MCM10: variants seen among roughly 807,000 people sequenced by gnomAD.
MCM10 encodes minichromosome maintenance 10 replication initiation factor.
MCM10 carries 91 observed loss-of-function variants against 109.9 expected under a neutral mutation model. The ratio of observed to expected loss-of-function variants is 0.83; its 90% CI spans 0.70 to 0.99. The LOEUF is 0.99. MCM10 is among the 50% of genes least tolerant of loss of function. The probability of loss-of-function intolerance (pLI) is 0.00; values close to 1 mark genes in which losing one functional copy is unlikely to be tolerated. For synonymous variants in MCM10, 380 were observed against 387.2 expected, an observed-to-expected ratio of 0.98 and a Z score of 0.22; for missense variants, 1,077 against 1,061.2, an observed-to-expected ratio of 1.01 and a Z score of -0.21.
In MCM10 at chr10:13,205,008, A is replaced by G. The variant is rs1289328980; in HGVS notation, c.2498+644A>G. Among the ~76,000 whole-genome samples, 41 of 4,494 alleles carry G rather than the reference A, an allele frequency of 9.1e-3. 1 individual carries two copies. The highest frequency in any genetic ancestry group is 0.036 in the South Asian group (1 of 28). 2.9% of individuals were successfully genotyped at this position (4,494 alleles called of 152,430 possible). On this transcript the variant is annotated intron_variant, in intron 18 of 19. Coordinates refer to ENST00000378714, the MANE Select transcript of MCM10 (RefSeq NM_018518.5). ...CATGTATGTATGTATGTATGTATAT[A>G]TATATATATATATATATATATATAT...
Position 13,172,490 on chromosome 10 carries a change from CTG to C in MCM10, c.454+12_454+13del, listed in dbSNP as rs1564381915. ...CTGCAAAAATCCCCTGGTAAGAAGA[CTG>C]TCATTCTGGCAATCGTGTGCATTTA... On this transcript the variant is annotated intron_variant, in intron 4 of 19. Coordinates refer to ENST00000378714, the MANE Select transcript of MCM10 (RefSeq NM_018518.5). The surrounding 1 kb of genome is among the most constrained non-coding windows in gnomAD (Gnocchi z 5.2). The C allele has an allele frequency of 2.5e-6, 4 of 1,610,810 alleles. No homozygotes were observed. In the African/African-American group the frequency reaches 4.0e-5, roughly 16 times the overall value.
At chr10:13,191,509 C>A in intron 11 of MCM10, 110 bp downstream of exon 11, 2 of 764,468 alleles carry the variant, frequency 2.6e-6, no homozygotes, top group Non-Finnish European at 4.4e-6. Flanking sequence ...GATGGGTACA[C>A]CAAAATCTCA....
At chr10:13,207,804 A>G (rs1313137391) in intron 18 of MCM10, among the ~76,000 whole-genome samples, 2 of 152,082 alleles carry the variant, frequency 1.3e-5, no homozygotes, top group Non-Finnish European at 2.9e-5. Context: ...TCTTTCCTTT[A>G]TAAATTACCC....
chr10:13,176,324 A>C (rs1834140814), intron 6 of MCM10, among the ~76,000 whole-genome samples: 1 of 152,154 alleles, frequency 6.6e-6, no homozygotes. Flanking sequence ...CAAATCTTGG[A>C]CTTTTTTCTA....
In MCM10 at chr10:13,180,472, CAAGAA is replaced by C; in HGVS notation, c.798_802del (p.Lys266AsnfsTer43). 6.2e-7 allele frequency: 1 copy of C among 1,613,500 alleles called. No individual in the cohort carries two copies. The highest frequency in any genetic ancestry group is 1.7e-5 in the Admixed American group (1 of 59,814). On this transcript the variant is annotated frameshift_variant, in exon 7 of 20. Coordinates refer to ENST00000378714, the MANE Select transcript of MCM10 (RefSeq NM_018518.5). LOFTEE classifies it high-confidence loss of function. ...CTCGAGTATCCTCCACAGAAATGAA[CAAGAA>C]AATGACCGGCCGAAAACTGATCAGA...
In MCM10 at chr10:13,175,637, G is replaced by T. The variant is rs148560423; in HGVS notation, c.720G>T (p.Thr240=). Residue 240 remains threonine, a synonymous_variant, in exon 6 of 20, where the codon ACG becomes ACT. Transcript: ENST00000378714. ...GGACCCCAGGAAGTTCTGGGGAAACGACTCAACCCATCTGTGTGGAAGCCT... is the reference window on the plus strand; with the variant it reads ...GGACCCCAGGAAGTTCTGGGGAAACTACTCAACCCATCTGTGTGGAAGCCT... The part of the protein sequence containing the change: ...IVGTPGSSGE[T]TQPICVEAFS... The T allele has an allele frequency of 5.1e-5, 82 of 1,613,170 alleles. No homozygotes were observed. The African/African-American group carries it at 1.0e-3, about 20-fold the overall frequency.
chr10:13,173,183 GA>G (rs1164536294), intron 5 of MCM10, among the ~76,000 whole-genome samples: 8 of 152,088 alleles, frequency 5.3e-5, no homozygotes, highest in African/African-American at 1.9e-4. Context: ...TCCTGTTCCA[GA>G]GTAAGACCCT....
intron 18 of MCM10, among the ~76,000 whole-genome samples, chr10:13,207,675 A>G (rs1413236377): frequency 6.6e-6 from 1 of 152,120 alleles, no homozygotes; most frequent in Non-Finnish European, 1.5e-5. Context: ...TTTATAAAGG[A>G]GAGTTCCCTG....
In MCM10 at chr10:13,204,341, C is replaced by T; in HGVS notation, c.2475C>T (p.Asp825=). 6.2e-7 allele frequency: 1 copy of T among 1,614,210 alleles called. No homozygotes were observed. The change falls in exon 18 of 20, where the codon GAC becomes GAT. Residue 825 remains aspartate, a synonymous_variant. Transcript: ENST00000378714. ...GTGGAAACAGAAGCATCTCCTTGGA[C>T]AGACTCCCGAACAAGCACTGCAGGT... ...CPCGNRSISL[D]RLPNKHCSNC...
intron 2 of MCM10, among the ~76,000 whole-genome samples, chr10:13,168,937 A>G (rs1040473332): frequency 2.1e-4 from 32 of 152,252 alleles, no homozygotes; most frequent in Admixed American, 2.0e-3. Flanking sequence ...AAGGCCAGCC[A>G]GAAAAATCAA....
chr10:13,163,663 C>T (rs1279368268), intron 1 of MCM10, among the ~76,000 whole-genome samples: 2 of 151,020 alleles, frequency 1.3e-5, no homozygotes, highest in Non-Finnish European at 2.9e-5. Context: ...AAAGAATAGC[C>T]TAATGTAGAT....
At chr10:13,188,541 A>G (rs1564387895) in intron 9 of MCM10, among the ~76,000 whole-genome samples, 1 of 109,498 alleles carries the variant, frequency 9.1e-6, no homozygotes, top group Non-Finnish European at 2.3e-5. Context: ...TTCCTTTTAT[A>G]TTAAATAACA....
At chr10:13,167,032 G>C (rs968624043) in intron 2 of MCM10, among the ~76,000 whole-genome samples, 2 of 151,984 alleles carry the variant, frequency 1.3e-5, no homozygotes, top group African/African-American at 2.4e-5. Context: ...CCTGCTGCTT[G>C]GGAGGCTAAG....
At chr10:13,204,733 C>T (rs1834548104) in intron 18 of MCM10, among the ~76,000 whole-genome samples, 1 of 152,018 alleles carries the variant, frequency 6.6e-6, no homozygotes, top group East Asian at 1.9e-4. Context: ...ATGTCTTTAG[C>T]TTGTGAGGAC....
chr10:13,173,850 G>A (rs1000266932), intron 5 of MCM10, among the ~76,000 whole-genome samples: 4 of 152,052 alleles, frequency 2.6e-5, no homozygotes, highest in African/African-American at 9.7e-5. Context: ...AAAGTTCTAG[G>A]GTCACCCTGG....
chr10:13,180,514 C>T lies in MCM10; in HGVS notation c.837C>T (p.Ile279=). ...GAAAACTGATCAGACTGTCTCAGAT[C>T]AAGGAAAAGATGGCCAGAGAGAAGC... ...TGRKLIRLSQ[I]KEKMAREKLE... is the part of the protein sequence containing the mutation. Residue 279 remains isoleucine (I), a synonymous_variant, in exon 7 of 20, where the codon ATC becomes ATT. Coordinates refer to ENST00000378714, the MANE Select transcript of MCM10 (RefSeq NM_018518.5). The T allele has an allele frequency of 6.2e-7, 1 of 1,613,972 alleles. No individual in the cohort carries two copies. The highest frequency in any genetic ancestry group is 8.5e-7 in the Non-Finnish European group (1 of 1,180,000).
At position 13,175,618 on chromosome 10, in the gene MCM10, C is replaced by T; in HGVS notation, c.701C>T (p.Pro234Leu). The change falls in exon 6 of 20, where the codon CCA becomes CTA. Residue 234 changes from proline (P) to leucine (L), a missense_variant. Transcript: ENST00000378714. ...GITRGQIVGT[P>L]GSSGETTQPI... The stretch of plus-strand genomic sequence containing the variant: ...ACTAGAGGTCAAATTGTGGGGACCC[C>T]AGGAAGTTCTGGGGAAACGACTCAA... 1.2e-6 allele frequency: 2 copies of T among 1,613,542 alleles called. No homozygotes were observed. The highest frequency in any genetic ancestry group is 1.7e-6 in the Non-Finnish European group (2 of 1,179,516).
At chr10:13,199,316 G>A (rs1053793255) in intron 16 of MCM10, among the ~76,000 whole-genome samples, 3 of 152,198 alleles carry the variant, frequency 2.0e-5, no homozygotes, top group Non-Finnish European at 2.9e-5. Context: ...TCTCTTTACT[G>A]AAGAATATCA....
chr10:13,184,345 T>TCC (rs1379479755), intron 8 of MCM10, among the ~76,000 whole-genome samples: 2 of 152,148 alleles, frequency 1.3e-5, no homozygotes, highest in Non-Finnish European at 2.9e-5. Context: ...TGTTTTATAG[T>TCC]TGAGGGGATT....
Sources: allele counts gnomAD v4.1 joint callset (sites outside exome capture counted in the v4.1 genomes callset), GRCh38; gene constraint gnomAD v4.1.1; non-coding constraint Gnocchi (gnomAD v3.1); transcripts MANE v1.5; gene names NCBI Gene and HGNC (gene_info 2026-07-23, HGNC 2026-07-21).